Variants in SGCD observed in about 807,000 individuals in gnomAD.
SGCD encodes sarcoglycan delta, also known as delta-sarcoglycan.
A neutral mutation model predicts 36.6 loss-of-function variants in SGCD; 18 were observed. The ratio of observed to expected loss-of-function variants is 0.49; its 90% confidence interval spans 0.34 to 0.73. The LOEUF is 0.73. Among genes scored for constraint, SGCD ranks in the 30% least tolerant of loss-of-function variants. SGCD has a pLI of 0.01. For synonymous variants in SGCD, 133 were observed against 130.6 expected, an observed-to-expected ratio of 1.02 and a Z score of -0.12; for missense variants, 387 against 346.7, an observed-to-expected ratio of 1.12 and a Z score of -0.92.
the SGCD span, among the ~76,000 whole-genome samples, chr5:155,861,316 G>A: frequency 6.6e-6 from 1 of 152,138 alleles, no homozygotes; most frequent in Non-Finnish European, 1.5e-5. Context: ...TATTATTATT[G>A]CACAATGTCT....
At chr5:156,452,616 G>A (rs142006551) in intron 3 of SGCD, among the ~76,000 whole-genome samples, 23 of 152,204 alleles carry the variant, frequency 1.5e-4, no homozygotes, top group Middle Eastern at 3.4e-3. Flanking sequence ...ATAGATGCAT[G>A]CCAAATGAAT....
At chr5:156,234,439 G>C (rs989760263) in intron 3 of SGCD, among the ~76,000 whole-genome samples, 1 of 152,048 alleles carries the variant, frequency 6.6e-6, no homozygotes, top group Non-Finnish European at 1.5e-5. Context: ...CAGATGAGAG[G>C]CTTGACTCCT....
intron 3 of SGCD, among the ~76,000 whole-genome samples, chr5:156,195,502 G>T (rs1160172736): frequency 6.6e-6 from 1 of 152,142 alleles, no homozygotes; most frequent in African/African-American, 2.4e-5. Context: ...TTTGTGAATG[G>T]AGAATTGGAA....
chr5:156,020,242 A>G (rs1434231459), intron 1 of SGCD, among the ~76,000 whole-genome samples: 1 of 152,218 alleles, frequency 6.6e-6, no homozygotes, highest in Non-Finnish European at 1.5e-5. Flanking sequence ...TCAACTGAGA[A>G]CATATATCTC....
chr5:156,726,467 G>GTC (rs1318177915), intron 7 of SGCD, among the ~76,000 whole-genome samples: 1 of 152,142 alleles, frequency 6.6e-6, no homozygotes, highest in African/African-American at 2.4e-5. Context: ...AAGCCAGATG[G>GTC]TCTCTCTAAA....
At chr5:156,188,670 C>CT (rs937795125) in intron 3 of SGCD, among the ~76,000 whole-genome samples, 7 of 134,938 alleles carry the variant, frequency 5.2e-5, no homozygotes, top group Non-Finnish European at 9.8e-5. Flanking sequence ...CCCCAACCGC[C>CT]CCCCCCGACA....
In SGCD at chr5:156,762,110, G is replaced by A. The variant is rs571171698; in HGVS notation, c.*2720G>A. 1.7e-4 allele frequency: 26 copies of A among 152,542 alleles called. No individual in the cohort carries two copies. In the East Asian group the frequency reaches 2.7e-3, roughly 16 times the overall value. The allele number at this position is 152,542 out of a possible 1,614,324, so 9.4% of individuals were successfully genotyped here. A position where few individuals can be genotyped will look rare whatever the true frequency, so the allele number is the denominator to read the frequency against. On this transcript the variant is annotated 3_prime_UTR_variant, in exon 9 of 9. Coordinates refer to ENST00000337851, the MANE Select transcript of SGCD (RefSeq NM_000337.6). ...AATTTTACCTGAATTCTTGGGGGCC[G>A]GCGGGGAGCTTTTACATTAAAAATC...
At chr5:156,310,131 C>T (rs1767352757) in intron 3 of SGCD, among the ~76,000 whole-genome samples, 1 of 152,152 alleles carries the variant, frequency 6.6e-6, no homozygotes, top group Admixed American at 6.5e-5. Flanking sequence ...TTTACCTGGG[C>T]ATGCATAATG....
At chr5:155,831,746 T>A in the SGCD span, among the ~76,000 whole-genome samples, 2 of 152,238 alleles carry the variant, frequency 1.3e-5, no homozygotes, top group African/African-American at 4.8e-5. Flanking sequence ...AGTAGAATCA[T>A]GATCTCACTT....
At chr5:156,315,823 G>A (rs1316734663) in intron 3 of SGCD, among the ~76,000 whole-genome samples, 1 of 151,920 alleles carries the variant, frequency 6.6e-6, no homozygotes, top group African/African-American at 2.4e-5. Context: ...CTTTGAGTAT[G>A]TTTTCATGTC....
the SGCD span, among the ~76,000 whole-genome samples, chr5:155,860,071 G>A: frequency 6.6e-6 from 1 of 151,864 alleles, no homozygotes; most frequent in Non-Finnish European, 1.5e-5. Flanking sequence ...GGAAAATGTG[G>A]AGGCAGAGAG....
intron 3 of SGCD, among the ~76,000 whole-genome samples, chr5:156,429,265 C>CTTTTTTTTTTTTTTTTT (rs3074973): frequency 3.2e-5 from 4 of 123,776 alleles, no homozygotes; most frequent in South Asian, 2.5e-4. Context: ...CCCTCATTGT[C>CTTTTTTTTTTTTTTTTT]TTTTTTTTTT....
chr5:155,749,864 T>G, the SGCD span, among the ~76,000 whole-genome samples: 1 of 152,218 alleles, frequency 6.6e-6, no homozygotes, highest in Admixed American at 6.5e-5. Flanking sequence ...ACCTGCACAT[T>G]CCACAATTAT....
chr5:156,388,856 G>C (rs542957600), intron 3 of SGCD, among the ~76,000 whole-genome samples: 2 of 152,248 alleles, frequency 1.3e-5, no homozygotes, highest in South Asian at 4.1e-4. Context: ...ATACTATTTT[G>C]AAATATAGAA....
chr5:155,912,920 A>G (rs1756661099), intron 1 of SGCD, among the ~76,000 whole-genome samples: 1 of 151,578 alleles, frequency 6.6e-6, no homozygotes, highest in African/African-American at 2.4e-5. Context: ...CATTCTTGGC[A>G]TTTAAGTCTT....
intron 1 of SGCD, among the ~76,000 whole-genome samples, chr5:155,976,287 A>C (rs1229540507): frequency 5.9e-5 from 9 of 152,158 alleles, no homozygotes; most frequent in Admixed American, 5.9e-4. Flanking sequence ...TGAGGGGAGT[A>C]TTGCAGGGGT....
At chr5:155,922,645 G>A (rs1242585549) in intron 1 of SGCD, among the ~76,000 whole-genome samples, 2 of 152,166 alleles carry the variant, frequency 1.3e-5, no homozygotes, top group Admixed American at 6.5e-5. Flanking sequence ...TGGCTTGAGA[G>A]AGAGTTTCTG....
At chr5:156,373,502 C>T (rs1770500736) in intron 3 of SGCD, among the ~76,000 whole-genome samples, 1 of 152,142 alleles carries the variant, frequency 6.6e-6, no homozygotes, top group Non-Finnish European at 1.5e-5. Context: ...GTCTATTACA[C>T]ATTTTACTTT....
At chr5:156,011,077 A>G (rs953525617) in intron 1 of SGCD, among the ~76,000 whole-genome samples, 1 of 152,196 alleles carries the variant, frequency 6.6e-6, no homozygotes, top group Admixed American at 6.5e-5. Context: ...TGTGGCTTTT[A>G]AAAAGACACA....
Sources: gnomAD v4.1 joint callset for allele counts (sites outside exome capture counted in the v4.1 genomes callset) on GRCh38, gnomAD v4.1.1 for gene constraint, MANE v1.5 for transcripts, NCBI Gene and HGNC (gene_info 2026-07-23, HGNC 2026-07-21) for gene names.